TGFB1: variants seen among roughly 807,000 people sequenced by gnomAD.
The protein encoded by TGFB1 is transforming growth factor beta-1 proprotein.
In TGFB1, 19 loss-of-function variants were observed where a neutral mutation model predicts 43.8. The observed-to-expected ratio is 0.43, with a 90% CI of 0.30 to 0.64. The LOEUF (loss-of-function observed/expected upper bound fraction) is 0.64, where lower values mean the gene tolerates loss of function less well. TGFB1 is among the 30% of genes least tolerant of loss of function. The pLI is 0.11. For missense variants in TGFB1, 445 were observed against 529.8 expected, an observed-to-expected ratio of 0.84 and a Z score of 1.57; for synonymous variants, 221 against 236.3, an observed-to-expected ratio of 0.94 and a Z score of 0.60.
At chr19:41,340,251 CTTTTTT>C (rs3061188) in intron 5 of TGFB1, among the ~76,000 whole-genome samples, 28 of 125,216 alleles carry the variant, frequency 2.2e-4, no homozygotes, top group African/African-American at 4.1e-4. Flanking sequence ...CACTTTCTTT[CTTTTTT>C]TTTTTTTTTT....
chr19:41,339,328 A>G (rs1733232355), intron 5 of TGFB1, among the ~76,000 whole-genome samples: 1 of 151,948 alleles, frequency 6.6e-6, no homozygotes, highest in African/African-American at 2.4e-5. Context: ...CATGTTGCAC[A>G]AGCTGGTCTT....
In TGFB1 at chr19:41,352,835, G is replaced by A. The variant is rs1297061253; in HGVS notation, c.210C>T (p.Pro70=). 1 of 1,578,112 alleles carries A rather than the reference G, an allele frequency of 6.3e-7. No individual in the cohort carries two copies. The highest frequency in any genetic ancestry group is 2.3e-5 in the East Asian group (1 of 42,608). Residue 70 remains proline (P), a synonymous_variant, in exon 1 of 7, where the codon CCC becomes CCT. Coordinates refer to ENST00000221930, the MANE Select transcript of TGFB1 (RefSeq NM_000660.7). The part of the protein sequence containing the change: ...ASPPSQGEVP[P]GPLPEAVLAL... Reference sequence around the variant, plus strand: ...CGAGCACGGCCTCGGGCAGCGGGCCGGGCGGCACCTCCCCCTGGCTCGGGG... The same window carrying A: ...CGAGCACGGCCTCGGGCAGCGGGCCAGGCGGCACCTCCCCCTGGCTCGGGG...
Position 41,330,914 on chromosome 19 carries a change from T to C in TGFB1, c.*138A>G. On this transcript the variant is annotated 3_prime_UTR_variant, in exon 7 of 7. Coordinates refer to ENST00000221930, the MANE Select transcript of TGFB1 (RefSeq NM_000660.7). ...CGCCCAATGACACAGAGATCCGCAG[T>C]CCTCTCTCCATCTTTAATGGGGCCC... The C allele has an allele frequency of 1.5e-6, 1 of 686,038 alleles. No homozygotes were observed. Among genetic ancestry groups the C allele is most frequent in the Non-Finnish European group, 2.3e-6 (1 of 440,556 alleles). 42.5% of individuals were successfully genotyped at this position (686,038 alleles called of 1,614,324 possible). A position where few individuals can be genotyped will look rare whatever the true frequency, so the allele number is the denominator to read the frequency against.
At chr19:41,337,313 G>A (rs1234393562) in intron 5 of TGFB1, among the ~76,000 whole-genome samples, 1 of 151,978 alleles carries the variant, frequency 6.6e-6, no homozygotes, top group Admixed American at 6.6e-5. Flanking sequence ...GCTCATTTTT[G>A]AATTTTTAGT....
chr19:41,348,868 C>A (rs8108052), intron 1 of TGFB1, among the ~76,000 whole-genome samples: 1 of 151,878 alleles, frequency 6.6e-6, no homozygotes, highest in Admixed American at 6.6e-5. Flanking sequence ...GTGATCCACC[C>A]GCCTCGGCCT....
At chr19:41,335,196 G>A in intron 5 of TGFB1, among the ~76,000 whole-genome samples, 1 of 152,014 alleles carries the variant, frequency 6.6e-6, no homozygotes, top group East Asian at 1.9e-4. Flanking sequence ...GGGATTACAG[G>A]CATGTGCCAC....
chr19:41,352,765 C>T lies in TGFB1; in HGVS notation c.280G>A (p.Glu94Lys). ...TRDRVAGESAEPEPEPEADYY... is the reference protein window; with the variant it reads ...TRDRVAGESAKPEPEPEADYY... The stretch of plus-strand genomic sequence containing the variant: ...TCGGCCTCAGGCTCGGGCTCCGGTT[C>T]TGCACTCTCCCCGGCCACCCGGTCG... Residue 94 changes from glutamate (E) to lysine (K), a missense_variant, in exon 1 of 7, where the codon GAA (glutamate) becomes AAA (lysine). Physicochemically the swap from Glu to Lys is moderately conservative, Grantham distance 56. Around this residue, in one of 3 missense-constraint regions of TGFB1, gnomAD observed 366 missense variants for 428.8 expected, o/e 0.85. Transcript: ENST00000221930. 1 of 1,612,478 alleles carries T rather than the reference C, an allele frequency of 6.2e-7. No homozygotes were observed. Among genetic ancestry groups the T allele is most frequent in the Non-Finnish European group, 8.5e-7 (1 of 1,179,116 alleles).
intron 5 of TGFB1, among the ~76,000 whole-genome samples, 156 bp from the exon 6 acceptor site, chr19:41,332,437 A>C (rs1299432617): frequency 1.3e-5 from 2 of 152,214 alleles, no homozygotes. Flanking sequence ...TAACAACACA[A>C]ATAGTCATGA....
At chr19:41,342,396 T>C in intron 3 of TGFB1, 149 bp from the exon 4 acceptor site, 1 of 488,086 alleles carries the variant, frequency 2.0e-6, no homozygotes, top group Non-Finnish European at 3.4e-6. Context: ...CTCTCTTTTT[T>C]TTTTTTTTTT....
rs1362349339 is a variant in TGFB1, at chr19:41,347,689, G to A, written c.516+606C>T. The stretch of plus-strand genomic sequence containing the variant: ...CTAAAAATACAAAAATTAGCCCAGC[G>A]TGTTGGCACATGCCTGTAATCCCAG... On this transcript the variant is annotated intron_variant, in intron 2 of 6. Transcript: ENST00000221930. 3.3e-5 allele frequency among the ~76,000 whole-genome samples: 5 copies of A among 152,070 alleles called. No homozygotes were observed. The South Asian group carries it at 6.2e-4, about 19-fold the overall frequency.
Position 41,352,690 on chromosome 19 carries a change from C to A in TGFB1, c.355G>T (p.Glu119Ter). 1 of 1,613,246 alleles carries A rather than the reference C, an allele frequency of 6.2e-7. No individual in the cohort carries two copies. The highest frequency in any genetic ancestry group is 8.5e-7 in the Non-Finnish European group (1 of 1,179,856). ...TRVLMVETHN[E>*]IYDKFKQSTH... ...GGCTCCCCTGCCCCTCCGAGCTCAC[C>A]GTTGTGGGTTTCCACCATTAGCACG... The change falls in exon 1 of 7, where the codon GAA (glutamate) becomes TAA (stop). Residue 119 changes from glutamate to a stop codon, truncating the protein, a stop_gained and splice_region_variant. Transcript: ENST00000221930. LOFTEE classifies it high-confidence loss of function.
At position 41,336,245 on chromosome 19, in the gene TGFB1, G is replaced by A. The variant is rs190361842; in HGVS notation, c.861-3964C>T. Among the ~76,000 whole-genome samples, 10 of 152,088 alleles carry A rather than the reference G, an allele frequency of 6.6e-5. No homozygotes were observed. The East Asian group carries it at 9.7e-4, about 15-fold the overall frequency. Reference sequence around the variant, plus strand: ...ACTCCTGACCTCATGTGATCCACCCGCCTCAGCCTTCCAAAGTGCTGGGAT... The same window carrying A: ...ACTCCTGACCTCATGTGATCCACCCACCTCAGCCTTCCAAAGTGCTGGGAT... On this transcript the variant is annotated intron_variant, in intron 5 of 6. Coordinates refer to ENST00000221930, the MANE Select transcript of TGFB1 (RefSeq NM_000660.7).
intron 6 of TGFB1, among the ~76,000 whole-genome samples, chr19:41,331,767 G>C (rs1054915831): frequency 2.0e-5 from 3 of 151,252 alleles, no homozygotes; most frequent in African/African-American, 7.3e-5. Context: ...GCCTTGTTGT[G>C]TATCTGTCTT....
chr19:41,342,605 C>G (rs1315014318), intron 3 of TGFB1, among the ~76,000 whole-genome samples: 1 of 151,678 alleles, frequency 6.6e-6, no homozygotes, highest in Non-Finnish European at 1.5e-5. Context: ...ACCTCCACCT[C>G]CCAGGTTCAA....
intron 5 of TGFB1, among the ~76,000 whole-genome samples, chr19:41,332,877 A>G (rs1490318927): frequency 6.6e-6 from 1 of 151,828 alleles, no homozygotes; most frequent in African/African-American, 2.4e-5. Flanking sequence ...TCTCTACAAA[A>G]TTTTTTTTCA....
intron 1 of TGFB1, among the ~76,000 whole-genome samples, chr19:41,350,085 A>G (rs1453759015): frequency 6.6e-6 from 1 of 151,890 alleles, no homozygotes; most frequent in African/African-American, 2.4e-5. Flanking sequence ...GGCTCAAGGG[A>G]TCCTCACGCC....
intron 3 of TGFB1, among the ~76,000 whole-genome samples, chr19:41,343,375 C>T (rs561608234): frequency 1.3e-5 from 2 of 152,274 alleles, no homozygotes; most frequent in East Asian, 3.9e-4. Flanking sequence ...CTCAGGTGAT[C>T]CACCCACCTC....
At chr19:41,346,426 C>T (rs1464383675) in intron 2 of TGFB1, among the ~76,000 whole-genome samples, 4 of 152,174 alleles carry the variant, frequency 2.6e-5, no homozygotes, top group South Asian at 2.1e-4. Flanking sequence ...AAGCTGAATT[C>T]CCCAGACTCC....
chr19:41,334,661 C>T (rs562073793), intron 5 of TGFB1, among the ~76,000 whole-genome samples: 7 of 151,716 alleles, frequency 4.6e-5, no homozygotes, highest in Non-Finnish European at 1.0e-4. Context: ...ACCTGTAATC[C>T]CAGCTACTGG....
Sources: gnomAD v4.1 joint callset for allele counts (sites outside exome capture counted in the v4.1 genomes callset) on GRCh38, gnomAD v4.1.1 for gene constraint, gnomAD v4.1.1 regional missense constraint, MANE v1.5 for transcripts, NCBI Gene and HGNC (gene_info 2026-07-23, HGNC 2026-07-21) for gene names.